Variants in TRIT1 observed in about 807,000 individuals in gnomAD.
The protein encoded by TRIT1 is tRNA isopentenyltransferase 1.
TRIT1 carries 43 observed loss-of-function variants against 51.2 expected under a neutral mutation model. That is an observed-to-expected ratio of 0.84 (90% CI 0.66 to 1.08). TRIT1 has a LOEUF of 1.08. Ranked by LOEUF, TRIT1 falls within the 50% of genes least tolerant of loss-of-function variation. The pLI, the probability that TRIT1 is intolerant of heterozygous loss-of-function variation, is 0.00. For missense variants in TRIT1, 528 were observed against 578.4 expected (o/e 0.91, Z 0.89); for synonymous variants, 184 against 203.9 (o/e 0.90, Z 0.83).
chr1:39,859,507 TG>T (rs1371772902), intron 1 of TRIT1, among the ~76,000 whole-genome samples: 3 of 148,120 alleles, frequency 2.0e-5, no homozygotes, highest in Admixed American at 1.4e-4. Context: ...TCCTTGTGCC[TG>T]GAAGGCGGAG....
At chr1:39,863,893 A>G (rs1201733781) in intron 1 of TRIT1, among the ~76,000 whole-genome samples, 6 of 152,160 alleles carry the variant, frequency 3.9e-5, no homozygotes, top group African/African-American at 1.4e-4. Context: ...ATGGTTCTCA[A>G]TTCAAGTGAT....
chr1:39,859,468 C>T (rs1197403872), intron 1 of TRIT1, among the ~76,000 whole-genome samples: 2 of 150,514 alleles, frequency 1.3e-5, no homozygotes, highest in African/African-American at 4.9e-5. Context: ...ACCTGTAGTT[C>T]CGCTACTGGG....
At chr1:39,882,669 C>T (rs1385353551) in intron 1 of TRIT1, among the ~76,000 whole-genome samples, 1 of 152,260 alleles carries the variant, frequency 6.6e-6, no homozygotes. Flanking sequence ...GGACAGGGCA[C>T]TCTGTTCTTC....
In TRIT1 at chr1:39,844,131, G is replaced by C. The variant is rs367752391; in HGVS notation, c.1204C>G (p.Arg402Gly). The change falls in exon 10 of 11, where the codon CGA (arginine) becomes GGA (glycine). Residue 402 changes from arginine (R) to glycine (G), a missense_variant. Coordinates refer to ENST00000316891, the MANE Select transcript of TRIT1 (RefSeq NM_017646.6). ...CATTCGCGATCCCCAATGATGATTC[G>C]ATCACAGAGGTCACACAGGTGATAA... ...RSYHLCDLCDRIIIGDREWAA... is the reference protein window; with the variant it reads ...RSYHLCDLCDGIIIGDREWAA... 2 of 1,613,790 alleles carry C rather than the reference G, an allele frequency of 1.2e-6. No homozygotes were observed. The highest frequency in any genetic ancestry group is 2.2e-5 in the East Asian group (1 of 44,884).
chr1:39,873,061 C>G (rs1397688320), intron 1 of TRIT1, among the ~76,000 whole-genome samples: 1 of 152,068 alleles, frequency 6.6e-6, no homozygotes, highest in Non-Finnish European at 1.5e-5. Context: ...AAGCTTTCAT[C>G]CTGGAAATGA....
chr1:39,869,895 G>A (rs1194897124), intron 1 of TRIT1, among the ~76,000 whole-genome samples: 2 of 151,852 alleles, frequency 1.3e-5, no homozygotes, highest in African/African-American at 2.4e-5. Flanking sequence ...GGAGGTGGGG[G>A]ACAGCCTCTG....
Position 39,880,468 on chromosome 1 carries a change from T to C in TRIT1, c.174+2850A>G, listed in dbSNP as rs549016296. ...TTTACCAAATACTAGTGAGTCAACC[T>C]CAAGTCACTGAAAAGCAGCATCTCC... On this transcript the variant is annotated intron_variant, in intron 1 of 10. Transcript: ENST00000316891. Among the ~76,000 whole-genome samples the C allele has an allele frequency of 2.0e-5, 3 of 152,218 alleles. No homozygotes were observed. In the South Asian group the frequency reaches 6.2e-4, roughly 32 times the overall value.
At chr1:39,868,654 A>AC (rs1316848476) in intron 1 of TRIT1, among the ~76,000 whole-genome samples, 2 of 151,480 alleles carry the variant, frequency 1.3e-5, no homozygotes, top group Non-Finnish European at 2.9e-5. Flanking sequence ...CAAAAAAAAA[A>AC]AAAAAAAACT....
chr1:39,852,947 G>A, intron 3 of TRIT1, 71 bp from the exon 4 acceptor site: 1 of 1,519,888 alleles, frequency 6.6e-7, no homozygotes, highest in Non-Finnish European at 9.0e-7. Context: ...CAGGCACTTT[G>A]CTAACTGTCA....
At chr1:39,862,961 T>G (rs1643333509) in intron 1 of TRIT1, 2 of 985,416 alleles carry the variant, frequency 2.0e-6, no homozygotes, top group Non-Finnish European at 2.4e-6. Context: ...TGATTTGGAA[T>G]GAAATGCTTT....
At position 39,844,637 on chromosome 1, in the gene TRIT1, G is replaced by C. The variant is rs1342175545; in HGVS notation, c.1010C>G (p.Pro337Arg). 1 of 1,610,272 alleles carries C rather than the reference G, an allele frequency of 6.2e-7. No homozygotes were observed. The highest frequency in any genetic ancestry group is 2.2e-5 in the East Asian group (1 of 44,832). ...ATAGACAGGGGGGACAATGGGACCA[G>C]GTCCTAATGATGACAAAGAAAGGTT... ...RWVKNRFLSRPGPIVPPVYGL... is the reference protein window; with the variant it reads ...RWVKNRFLSRRGPIVPPVYGL... The change falls in exon 9 of 11, where the codon CCT becomes CGT. Residue 337 changes from proline to arginine, a missense_variant. By Grantham distance (103) the Pro-to-Arg change is moderately radical. Transcript: ENST00000316891.
Position 39,841,827 on chromosome 1 carries a change from TCTGA to T in TRIT1, c.1317_1320del (p.Ser439ArgfsTer24), listed in dbSNP as rs766861257. 6.2e-6 allele frequency: 10 copies of T among 1,614,018 alleles called. No individual in the cohort carries two copies. In the African/African-American group the frequency reaches 1.3e-4, roughly 22 times the overall value. ...TCTTTGTTATGGTCTGGGGAAACACTCTGACTTTCTATGGTGTTGACAGCATCTG... is the reference window on the plus strand; with the variant it reads ...TCTTTGTTATGGTCTGGGGAAACACTCTTTCTATGGTGTTGACAGCATCTG... On this transcript the variant is annotated frameshift_variant, in exon 11 of 11. Coordinates refer to ENST00000316891, the MANE Select transcript of TRIT1 (RefSeq NM_017646.6). LOFTEE classifies it low-confidence loss of function (END_TRUNC).
intron 7 of TRIT1, 105 bp downstream of exon 7, chr1:39,847,443 G>A (rs1557535077): frequency 1.4e-5 from 20 of 1,445,294 alleles, no homozygotes; most frequent in Non-Finnish European, 1.8e-5. Flanking sequence ...CTGAGCTGAA[G>A]GCTATTTGGG....
chr1:39,842,887 C>T (rs1170163408), intron 10 of TRIT1, among the ~76,000 whole-genome samples: 1 of 152,068 alleles, frequency 6.6e-6, no homozygotes, highest in Non-Finnish European at 1.5e-5. Context: ...AAACGGGCTT[C>T]TGGGCTGGCT....
At chr1:39,867,395 T>C (rs1330143401) in intron 1 of TRIT1, among the ~76,000 whole-genome samples, 1 of 152,216 alleles carries the variant, frequency 6.6e-6, no homozygotes, top group Admixed American at 6.5e-5. Flanking sequence ...TCCGCCCGCC[T>C]TGGCTTCCCA....
chr1:39,869,917 G>A (rs1643789107), intron 1 of TRIT1, among the ~76,000 whole-genome samples: 1 of 151,428 alleles, frequency 6.6e-6, no homozygotes, highest in South Asian at 2.1e-4. Context: ...CCGGCCAGCC[G>A]CCCCGTCCGG....
rs1270384394 is a variant in TRIT1, at chr1:39,883,430, C to T, written c.62G>A (p.Arg21Gln). The T allele has an allele frequency of 1.8e-5, 29 of 1,613,270 alleles. No homozygotes were observed. The highest frequency in any genetic ancestry group is 2.1e-5 in the Non-Finnish European group (25 of 1,179,548). The change falls in exon 1 of 11, where the codon CGG becomes CAG. Residue 21 changes from arginine (R) to glutamine (Q), a missense_variant. This residue lies in a region of TRIT1 where 55 missense variants were observed against 37.0 expected (regional missense o/e 1.49). Transcript: ENST00000316891. Reference sequence around the variant, plus strand: ...GAGAATCACTACAAGAGGTAGGGTCCGTTGCAGGCCCCTGAGCCCACTGCC... The same window carrying T: ...GAGAATCACTACAAGAGGTAGGGTCTGTTGCAGGCCCCTGAGCCCACTGCC... ...PVGSGLRGLQ[R>Q]TLPLVVILGA... is the part of the protein sequence containing the mutation.
intron 10 of TRIT1, among the ~76,000 whole-genome samples, chr1:39,842,257 C>T (rs1641952292): frequency 6.6e-6 from 1 of 152,212 alleles, no homozygotes; most frequent in East Asian, 1.9e-4. Context: ...CAAGGTCACA[C>T]AGCAGGTAAA....
chr1:39,839,136 A>G lies in TRIT1; in HGVS notation c.*2608T>C, dbSNP rs1652478617. Among the ~76,000 whole-genome samples, 1 of 152,194 alleles carries G rather than the reference A, an allele frequency of 6.6e-6. No individual in the cohort carries two copies. Among genetic ancestry groups the G allele is most frequent in the South Asian group, 2.1e-4 (1 of 4,832 alleles). On this transcript the variant is annotated 3_prime_UTR_variant, in exon 11 of 11. Transcript: ENST00000316891. The stretch of plus-strand genomic sequence containing the variant: ...ACTGAGTATTGGAATTAATTGCCAA[A>G]GCCATTTAGATAGCACTGCTGGTGT...
Sources: gnomAD v4.1 joint callset for allele counts (sites outside exome capture counted in the v4.1 genomes callset) on GRCh38, gnomAD v4.1.1 for gene constraint, gnomAD v4.1.1 regional missense constraint, MANE v1.5 for transcripts, NCBI Gene and HGNC (gene_info 2026-07-23, HGNC 2026-07-21) for gene names.